The following PRELID2 variants were observed in gnomAD, a reference collection of about 807,000 sequenced individuals.
PRELID2 encodes the protein PRELI domain containing 2.
Under a neutral mutation model 28.4 loss-of-function variants are expected in PRELID2, and 25 were observed. That is an observed-to-expected ratio of 0.88 (90% CI 0.64 to 1.23). The LOEUF (loss-of-function observed/expected upper bound fraction) is 1.23, where lower values mean the gene tolerates loss of function less well. Among genes scored for constraint, PRELID2 ranks in the 50% most tolerant of loss-of-function variants. The pLI, the probability that PRELID2 is intolerant of heterozygous loss-of-function variation, is 0.00. For synonymous variants in PRELID2, 76 were observed against 71.6 expected (o/e 1.06, Z -0.31); for missense variants, 201 against 214.4 (o/e 0.94, Z 0.39).
chr5:145,777,841 T>A (rs1055336592), intron 5 of PRELID2, among the ~76,000 whole-genome samples: 1 of 152,204 alleles, frequency 6.6e-6, no homozygotes, highest in East Asian at 1.9e-4. Flanking sequence ...AGGGCCCCTG[T>A]GCACTCACAG....
intron 1 of PRELID2, among the ~76,000 whole-genome samples, chr5:145,711,107 C>T (rs1275759007): frequency 6.6e-6 from 1 of 152,176 alleles, no homozygotes; most frequent in Admixed American, 6.5e-5. Flanking sequence ...GGATCAATAC[C>T]TGCCATCTGC....
chr5:145,635,444 C>T (rs781758131), intron 1 of PRELID2, among the ~76,000 whole-genome samples: 1 of 151,926 alleles, frequency 6.6e-6, no homozygotes, highest in Non-Finnish European at 1.5e-5. Context: ...CTTCATACAC[C>T]GAACTCTGGT....
chr5:145,241,220 C>T, the PRELID2 span, among the ~76,000 whole-genome samples: 1 of 152,056 alleles, frequency 6.6e-6, no homozygotes, highest in Non-Finnish European at 1.5e-5. Flanking sequence ...TGAGACTAGA[C>T]TGTAAGATAA....
In PRELID2 at chr5:145,664,286, T is replaced by G. The variant is rs556451695; in HGVS notation, n.70+100645A>C. ...TTGTTTCTCTGCTTTAGATCTACTT[T>G]TATTTGTTGTAAAACCTTGGATTCT... On this transcript the variant is annotated intron_variant and non_coding_transcript_variant, in intron 1 of 2. Coordinates refer to the PRELID2 transcript ENST00000510259. 5.6e-4 allele frequency among the ~76,000 whole-genome samples: 85 copies of G among 152,262 alleles called. 2 individuals carry two copies. Among genetic ancestry groups the G allele is most frequent in the African/African-American group, 2.0e-3 (84 of 41,566 alleles).
chr5:145,823,332 G>T (rs1027301222), intron 1 of PRELID2, among the ~76,000 whole-genome samples, 198 bp from the exon 2 acceptor site: 2 of 152,194 alleles, frequency 1.3e-5, no homozygotes, highest in Admixed American at 1.3e-4. Context: ...TGACTTACAT[G>T]AAATCTGGGG....
the PRELID2 span, among the ~76,000 whole-genome samples, chr5:145,435,747 T>C: frequency 3.9e-5 from 6 of 152,164 alleles, no homozygotes; most frequent in Non-Finnish European, 7.4e-5. Context: ...ATCACACCAA[T>C]TTATGTCTTG....
At chr5:145,553,000 CCTT>C (rs1752850154) in intron 1 of PRELID2, among the ~76,000 whole-genome samples, 1 of 152,118 alleles carries the variant, frequency 6.6e-6, no homozygotes, top group Admixed American at 6.6e-5. Flanking sequence ...AAATATTACT[CCTT>C]CTACCTTTTG....
the PRELID2 span, among the ~76,000 whole-genome samples, chr5:145,434,182 A>G: frequency 6.6e-6 from 1 of 152,192 alleles, no homozygotes; most frequent in Non-Finnish European, 1.5e-5. Flanking sequence ...TAGGCCCATG[A>G]AAACCATCCA....
chr5:145,385,800 C>A, the PRELID2 span, among the ~76,000 whole-genome samples: 20 of 152,128 alleles, frequency 1.3e-4, no homozygotes, highest in Non-Finnish European at 2.5e-4. Flanking sequence ...AGGCCCAACT[C>A]AAATGCCACC....
the PRELID2 span, among the ~76,000 whole-genome samples, chr5:145,435,920 A>C: frequency 6.6e-6 from 1 of 152,134 alleles, no homozygotes; most frequent in Admixed American, 6.6e-5. Flanking sequence ...AAAGATACCT[A>C]ACTTACAAGA....
chr5:145,661,268 G>T (rs934726285), intron 1 of PRELID2, among the ~76,000 whole-genome samples: 1 of 152,112 alleles, frequency 6.6e-6, no homozygotes, highest in African/African-American at 2.4e-5. Context: ...TACAAGGCCT[G>T]CTTTTCCTTA....
chr5:145,707,159 T>C (rs1409839446), intron 1 of PRELID2, among the ~76,000 whole-genome samples: 3 of 152,250 alleles, frequency 2.0e-5, no homozygotes, highest in Non-Finnish European at 2.9e-5. Flanking sequence ...TCTGATTTTA[T>C]ACTCATTTTA....
At chr5:145,607,747 G>A (rs1753525319) in intron 1 of PRELID2, among the ~76,000 whole-genome samples, 1 of 152,098 alleles carries the variant, frequency 6.6e-6, no homozygotes, top group Non-Finnish European at 1.5e-5. Context: ...TTATGTATAT[G>A]TCTGTTAGGC....
chr5:145,695,279 G>A (rs570763624), intron 1 of PRELID2, among the ~76,000 whole-genome samples: 1 of 152,274 alleles, frequency 6.6e-6, no homozygotes, highest in Admixed American at 6.5e-5. Context: ...TCAAGAGGCA[G>A]AAGAAGAGCT....
At chr5:145,787,592 G>T (rs1325541740) in intron 5 of PRELID2, among the ~76,000 whole-genome samples, 3 of 151,886 alleles carry the variant, frequency 2.0e-5, no homozygotes, top group Non-Finnish European at 4.4e-5. Context: ...CCAGGCTAGG[G>T]TGCAGTGGTG....
At position 145,726,299 on chromosome 5, in the gene PRELID2, AAAAG is replaced by A. The variant is rs944880275; in HGVS notation, n.70+38628_70+38631del. ...AGAAAGAGACAGAAAGAAAGAAAGA[AAAAG>A]AAAGAGAGAGAGAGAGAAAGAGAGA... is the stretch of plus-strand genomic sequence containing the variant. On this transcript the variant is annotated intron_variant and non_coding_transcript_variant, in intron 1 of 2. Coordinates refer to the PRELID2 transcript ENST00000510259. Among the ~76,000 whole-genome samples the A allele has an allele frequency of 9.1e-4, 133 of 145,714 alleles. 1 individual carries two copies. Among genetic ancestry groups the A allele is most frequent in the Non-Finnish European group, 1.4e-3 (95 of 67,644 alleles).
At chr5:145,788,050 T>A (rs536802661) in intron 5 of PRELID2, among the ~76,000 whole-genome samples, 1 of 152,234 alleles carries the variant, frequency 6.6e-6, no homozygotes, top group South Asian at 2.1e-4. Flanking sequence ...AGAGCATCAG[T>A]GATGTCTCTG....
chr5:145,395,945 TC>T, the PRELID2 span, among the ~76,000 whole-genome samples: 2 of 152,140 alleles, frequency 1.3e-5, no homozygotes, highest in Non-Finnish European at 2.9e-5. Context: ...GTCATATATC[TC>T]CCTTACTACC....
At chr5:145,353,275 T>C in the PRELID2 span, among the ~76,000 whole-genome samples, 4 of 151,934 alleles carry the variant, frequency 2.6e-5, no homozygotes, top group African/African-American at 9.7e-5. Context: ...CTGGCCAACA[T>C]AGCCAGTTTC....
Sources: gnomAD v4.1 joint callset for allele counts (sites outside exome capture counted in the v4.1 genomes callset) on GRCh38, gnomAD v4.1.1 for gene constraint, MANE v1.5 for transcripts, NCBI Gene and HGNC (gene_info 2026-07-23, HGNC 2026-07-21) for gene names.